The following ARHGAP32 variants were observed in gnomAD, a reference collection of about 807,000 sequenced individuals.
ARHGAP32 encodes the protein Rho GTPase activating protein 32.
A neutral mutation model predicts 186.5 loss-of-function variants in ARHGAP32; 51 were observed. The ratio of observed to expected loss-of-function variants is 0.27; its 90% CI spans 0.22 to 0.35. The LOEUF (loss-of-function observed/expected upper bound fraction) is 0.35. Among genes scored for constraint, ARHGAP32 ranks in the 10% least tolerant of loss-of-function variants. The pLI is 1.00. For synonymous variants in ARHGAP32, 950 were observed against 964.3 expected, an observed-to-expected ratio of 0.99 and a Z score of 0.27; for missense variants, 2,186 against 2,623.5, an observed-to-expected ratio of 0.83 and a Z score of 3.64.
At chr11:129,041,333 ATAATT>A (rs1439781051) in intron 10 of ARHGAP32, among the ~76,000 whole-genome samples, 1 of 152,156 alleles carries the variant, frequency 6.6e-6, no homozygotes, top group Non-Finnish European at 1.5e-5. Flanking sequence ...GTAAAATTTT[ATAATT>A]TAATAATGCG....
At chr11:129,018,167 C>T (rs1246859034) in intron 11 of ARHGAP32, among the ~76,000 whole-genome samples, 1 of 151,952 alleles carries the variant, frequency 6.6e-6, no homozygotes, top group Non-Finnish European at 1.5e-5. Flanking sequence ...TTTGCAGTGA[C>T]ATAAATGAGT....
intron 12 of ARHGAP32, among the ~76,000 whole-genome samples, chr11:128,997,338 T>C (rs181906568): frequency 6.6e-6 from 1 of 152,232 alleles, no homozygotes; most frequent in Admixed American, 6.5e-5. Flanking sequence ...ACAGTTTGCA[T>C]TAAATTCCTA....
chr11:129,208,897 A>G (rs545174017), intron 1 of ARHGAP32, among the ~76,000 whole-genome samples: 1 of 152,336 alleles, frequency 6.6e-6, no homozygotes, highest in African/African-American at 2.4e-5. Flanking sequence ...TCCAAAGAAC[A>G]GAAAGTATTC....
upstream of ARHGAP32, among the ~76,000 whole-genome samples, chr11:129,193,727 T>C (rs1244312196): frequency 6.6e-5 from 5 of 76,088 alleles, no homozygotes; most frequent in Non-Finnish European, 1.0e-4. Flanking sequence ...TTATATATTA[T>C]ATATAATATA....
chr11:129,197,523 CATGAAT>C (rs1218409823), intron 1 of ARHGAP32, among the ~76,000 whole-genome samples: 1 of 152,106 alleles, frequency 6.6e-6, no homozygotes, highest in Non-Finnish European at 1.5e-5. Context: ...CAGACTGCTT[CATGAAT>C]ATGAATATAA....
intron 1 of ARHGAP32, among the ~76,000 whole-genome samples, chr11:129,266,615 T>C (rs1232959180): frequency 6.6e-6 from 1 of 152,174 alleles, no homozygotes; most frequent in Non-Finnish European, 1.5e-5. Flanking sequence ...TAAGAGAGAT[T>C]GTACCATTTT....
intron 11 of ARHGAP32, among the ~76,000 whole-genome samples, chr11:129,005,643 T>C (rs1488437427): frequency 6.6e-6 from 1 of 152,220 alleles, no homozygotes; most frequent in African/African-American, 2.4e-5. Context: ...AGCTCCATTG[T>C]ATGTTCTTTT....
intron 1 of ARHGAP32, among the ~76,000 whole-genome samples, chr11:129,237,753 C>A (rs1361306920): frequency 6.6e-6 from 1 of 152,130 alleles, no homozygotes; most frequent in Non-Finnish European, 1.5e-5. Context: ...GCTTTCCAAG[C>A]TATGCAAAGA....
Position 128,973,194 on chromosome 11 carries a change from T to C in ARHGAP32, c.3312A>G (p.Ala1104=), listed in dbSNP as rs1945443133. ...TEDNLSSSYS[A]VALDKAYFQT... ...GGAAATAGGCCTTATCTAGAGCAAC[T>C]GCAGAGTAAGAACTGGACAGATTAT... Residue 1104 remains alanine (A), a synonymous_variant, in exon 22 of 23, where the codon GCA becomes GCG. Coordinates refer to ENST00000682385, the MANE Select transcript of ARHGAP32 (RefSeq NM_001378024.1). 6 of 1,614,192 alleles carry C rather than the reference T, an allele frequency of 3.7e-6. No homozygotes were observed. The highest frequency in any genetic ancestry group is 5.1e-6 in the Non-Finnish European group (6 of 1,180,026).
Position 128,972,809 on chromosome 11 carries a change from C to T in ARHGAP32, c.3697G>A (p.Ala1233Thr). 6.2e-7 allele frequency: 1 copy of T among 1,613,894 alleles called. No homozygotes were observed. Among genetic ancestry groups the T allele is most frequent in the Non-Finnish European group, 8.5e-7 (1 of 1,180,008 alleles). ...GGGTGATGGAGTTTATCCACACTTGCACCAAGATAAGAAGGAGGCTGATCT... is the reference window on the plus strand; with the variant it reads ...GGGTGATGGAGTTTATCCACACTTGTACCAAGATAAGAAGGAGGCTGATCT... ...SGDQPPSYLG[A>T]SVDKLHHPLE... is the part of the protein sequence containing the mutation. Residue 1233 changes from alanine to threonine, a missense_variant, in exon 22 of 23, where the codon GCA (alanine) becomes ACA (threonine). By Grantham distance (58) the Ala-to-Thr change is moderately conservative. Coordinates refer to ENST00000682385, the MANE Select transcript of ARHGAP32 (RefSeq NM_001378024.1).
chr11:129,023,856 T>C (rs1028657039), intron 11 of ARHGAP32: 1 of 976,872 alleles, frequency 1.0e-6, no homozygotes, highest in Middle Eastern at 5.3e-4. Flanking sequence ...GAGATCTCCT[T>C]ACCTCTTGTT....
intron 1 of ARHGAP32, among the ~76,000 whole-genome samples, chr11:129,190,151 A>T (rs1440674203): frequency 6.6e-6 from 1 of 152,206 alleles, no homozygotes; most frequent in Admixed American, 6.5e-5. Flanking sequence ...GTCATACCAC[A>T]CTGAGTCTAC....
chr11:129,062,370 A>G lies in ARHGAP32; in HGVS notation c.886-13T>C. The G allele has an allele frequency of 6.2e-7, 1 of 1,607,464 alleles. No individual in the cohort carries two copies. ...CAATGTCTCCCACCTAGGAGAATCAAAATTTTAAGCAAAATGGTTTTAGTT... is the reference window on the plus strand; with the variant it reads ...CAATGTCTCCCACCTAGGAGAATCAGAATTTTAAGCAAAATGGTTTTAGTT... On this transcript the variant is annotated splice_polypyrimidine_tract_variant and intron_variant, in intron 9 of 22. Transcript: ENST00000682385.
In ARHGAP32 at chr11:128,981,484, TCAA is replaced by T; in HGVS notation, c.1709_1711del (p.Val570del). The T allele has an allele frequency of 1.2e-6, 2 of 1,613,998 alleles. No homozygotes were observed. Among genetic ancestry groups the T allele is most frequent in the Non-Finnish European group, 1.7e-6 (2 of 1,179,922 alleles). ...CACATCAACGTGATTCAGGATGAAC[TCAA>T]CAACCACAGACTGAATCCTCACTTC... On this transcript the variant is annotated inframe_deletion, in exon 17 of 23. Transcript: ENST00000682385.
intron 1 of ARHGAP32, among the ~76,000 whole-genome samples, chr11:129,245,724 GCCT>G (rs1327639039): frequency 6.6e-6 from 1 of 150,494 alleles, no homozygotes; most frequent in Non-Finnish European, 1.5e-5. Context: ...CAATTTTATT[GCCT>G]CCTATCAGCT....
intron 2 of ARHGAP32, among the ~76,000 whole-genome samples, chr11:129,132,558 C>G (rs1415407624): frequency 6.6e-6 from 1 of 151,774 alleles, no homozygotes; most frequent in Non-Finnish European, 1.5e-5. Context: ...CTATAAAAAT[C>G]TAGATGAAAC....
rs1565466531 is a variant in ARHGAP32, at chr11:129,199,073, G to A, written c.-4-34646C>T. Among the ~76,000 whole-genome samples the A allele has an allele frequency of 2.0e-5, 3 of 152,214 alleles. No homozygotes were observed. The South Asian group carries it at 6.2e-4, about 32-fold the overall frequency. ...GATTTGTGGAACTTTGAACTTGAGG[G>A]AGATGATTTAGGGTATCTGGCAGAA... On this transcript the variant is annotated intron_variant, in intron 1 of 6. Transcript: ENST00000525234.
At chr11:129,103,719 G>C (rs1941970611) in intron 5 of ARHGAP32, among the ~76,000 whole-genome samples, 1 of 151,948 alleles carries the variant, frequency 6.6e-6, no homozygotes, top group African/African-American at 2.4e-5. Flanking sequence ...CAAGAGAGGG[G>C]AGAAGACAAA....
In ARHGAP32 at chr11:128,971,065, G is replaced by A. The variant is rs775546546; in HGVS notation, c.4148C>T (p.Ala1383Val). ...SAFISDSGAA[A>V]AQCPMATAVQ... Reference sequence around the variant, plus strand: ...AGCTGTAGCCATGGGACACTGAGCAGCAGCAGCACCACTGTCACTGATGAA... The same window carrying A: ...AGCTGTAGCCATGGGACACTGAGCAACAGCAGCACCACTGTCACTGATGAA... The change falls in exon 23 of 23, where the codon GCT (alanine) becomes GTT (valine). Residue 1383 changes from alanine to valine, a missense_variant. Around this residue, in one of 5 missense-constraint regions of ARHGAP32, gnomAD observed 1,502 missense variants for 1,570.0 expected, o/e 0.96. Coordinates refer to ENST00000682385, the MANE Select transcript of ARHGAP32 (RefSeq NM_001378024.1). The A allele has an allele frequency of 3.6e-5, 58 of 1,614,070 alleles. 2 individuals carry two copies. In the Admixed American group the frequency reaches 9.5e-4, roughly 26 times the overall value.
Sources: allele counts gnomAD v4.1 joint callset (sites outside exome capture counted in the v4.1 genomes callset), GRCh38; gene constraint gnomAD v4.1.1; regional missense constraint gnomAD v4.1.1; transcripts MANE v1.5; gene names NCBI Gene and HGNC (gene_info 2026-07-23, HGNC 2026-07-21).